CDYL2: variants seen among roughly 807,000 people sequenced by gnomAD.
CDYL2 encodes the protein chromodomain Y like 2, also known as chromodomain Y-like protein 2.
A neutral mutation model predicts 49.4 loss-of-function variants in CDYL2; 23 were observed. That is an observed-to-expected ratio of 0.47 (90% CI 0.34 to 0.66). The LOEUF (loss-of-function observed/expected upper bound fraction) is 0.66. Ranked by LOEUF, CDYL2 falls within the 30% of genes least tolerant of loss-of-function variation. CDYL2 has a pLI of 0.01. For synonymous variants in CDYL2, 360 were observed against 268.8 expected, an observed-to-expected ratio of 1.34 and a Z score of -3.32; for missense variants, 678 against 656.4, an observed-to-expected ratio of 1.03 and a Z score of -0.36.
intron 4 of CDYL2, among the ~76,000 whole-genome samples, chr16:80,617,069 T>G (rs1906864979): frequency 1.3e-5 from 2 of 152,144 alleles, no homozygotes; most frequent in South Asian, 4.1e-4. Flanking sequence ...CTATGACAAG[T>G]TCAGAGGAGG....
At chr16:80,643,211 T>C (rs1439040156) in intron 2 of CDYL2, among the ~76,000 whole-genome samples, 1 of 152,086 alleles carries the variant, frequency 6.6e-6, no homozygotes, top group East Asian at 1.9e-4. Flanking sequence ...GCAGTCAAAT[T>C]TTAAAGCTCC....
In CDYL2 at chr16:80,719,295, T is replaced by C. The variant is rs182800780; in HGVS notation, c.25-34166A>G. On this transcript the variant is annotated intron_variant, in intron 1 of 6. Coordinates refer to ENST00000570137, the MANE Select transcript of CDYL2 (RefSeq NM_152342.4). The stretch of plus-strand genomic sequence containing the variant: ...GGAAGAGGCTGGGAGCAGGAATCTG[T>C]GTGGGCCTTGAGCAAGTCTTCTAAC... Among the ~76,000 whole-genome samples the C allele has an allele frequency of 1.5e-3, 233 of 152,250 alleles. 2 individuals carry two copies. The highest frequency in any genetic ancestry group is 5.3e-3 in the African/African-American group (221 of 41,544).
chr16:80,764,094 T>A (rs1177641765), intron 1 of CDYL2, among the ~76,000 whole-genome samples: 2 of 152,214 alleles, frequency 1.3e-5, no homozygotes. Flanking sequence ...TGATTTAATA[T>A]GTTAAAAGAC....
chr16:80,710,139 G>C (rs568214250), intron 1 of CDYL2, among the ~76,000 whole-genome samples: 1 of 152,186 alleles, frequency 6.6e-6, no homozygotes, highest in South Asian at 2.1e-4. Flanking sequence ...ATGTTGGCCA[G>C]GCTGGTCTCG....
At chr16:80,752,252 C>T (rs1019688183) in intron 1 of CDYL2, among the ~76,000 whole-genome samples, 4 of 151,520 alleles carry the variant, frequency 2.6e-5, no homozygotes, top group Admixed American at 1.3e-4. Context: ...AGGAGAAAAC[C>T]GCAGATAAAT....
At chr16:80,744,696 G>A (rs1905864821) in intron 1 of CDYL2, among the ~76,000 whole-genome samples, 1 of 152,154 alleles carries the variant, frequency 6.6e-6, no homozygotes, top group Non-Finnish European at 1.5e-5. Flanking sequence ...AGGCCATATA[G>A]GGGTCTCCAC....
intron 1 of CDYL2, among the ~76,000 whole-genome samples, chr16:80,740,062 A>G (rs1472633524): frequency 6.6e-6 from 1 of 152,154 alleles, no homozygotes; most frequent in Non-Finnish European, 1.5e-5. Flanking sequence ...GAAATTACAG[A>G]AGACAGAAAA....
In CDYL2 at chr16:80,804,546, C is replaced by T. The variant is rs1446857934; in HGVS notation, c.-373G>A. Among the ~76,000 whole-genome samples the T allele has an allele frequency of 6.9e-6, 1 of 144,344 alleles. No homozygotes were observed. Among genetic ancestry groups the T allele is most frequent in the Non-Finnish European group, 1.5e-5 (1 of 65,092 alleles). The allele number at this position is 144,344 out of a possible 152,430, so 94.7% of individuals were successfully genotyped here. A position where few individuals can be genotyped will look rare whatever the true frequency, so the allele number is the denominator to read the frequency against. On this transcript the variant is annotated 5_prime_UTR_variant, in exon 1 of 7. Transcript: ENST00000570137. ...AGCCGGCAACGGCTCGCCCCGGCGCCGCCTGCAGGAAGCCGCCCGGCGCCC... is the reference window on the plus strand; with the variant it reads ...AGCCGGCAACGGCTCGCCCCGGCGCTGCCTGCAGGAAGCCGCCCGGCGCCC...
chr16:80,617,562 A>G (rs569796854), intron 4 of CDYL2, among the ~76,000 whole-genome samples: 4 of 151,958 alleles, frequency 2.6e-5, no homozygotes, highest in South Asian at 4.2e-4. Context: ...TGTGTCCCCA[A>G]CTCCAGAGTG....
At chr16:80,690,321 G>A (rs1045274674) in intron 1 of CDYL2, among the ~76,000 whole-genome samples, 7 of 151,892 alleles carry the variant, frequency 4.6e-5, no homozygotes, top group Admixed American at 1.3e-4. Context: ...CTGGAGCAGT[G>A]AGGGGCCTTC....
At chr16:80,766,611 C>G (rs1001492940) in intron 1 of CDYL2, among the ~76,000 whole-genome samples, 4 of 152,134 alleles carry the variant, frequency 2.6e-5, no homozygotes, top group African/African-American at 9.7e-5. Context: ...TACTCAACTC[C>G]CTTTACAAAT....
chr16:80,756,854 T>C (rs1003720705), intron 1 of CDYL2, among the ~76,000 whole-genome samples: 3 of 133,762 alleles, frequency 2.2e-5, no homozygotes, highest in South Asian at 2.3e-4. Flanking sequence ...TATCATCGTA[T>C]AAATTAGTAA....
intron 2 of CDYL2, among the ~76,000 whole-genome samples, chr16:80,645,316 T>C (rs1207287799): frequency 1.3e-5 from 2 of 152,078 alleles, no homozygotes; most frequent in Non-Finnish European, 2.9e-5. Context: ...CATCAACAAG[T>C]GGGCGAAGGA....
upstream of CDYL2, among the ~76,000 whole-genome samples, chr16:80,804,767 G>A (rs1908050373): frequency 6.7e-6 from 1 of 150,334 alleles, no homozygotes; most frequent in African/African-American, 2.4e-5. Context: ...CCGGGGGGCG[G>A]CGGGCCAGGT....
At chr16:80,684,094 C>G (rs140702603) in intron 2 of CDYL2, among the ~76,000 whole-genome samples, 92 of 152,304 alleles carry the variant, frequency 6.0e-4, no homozygotes, top group Non-Finnish European at 1.0e-3. Context: ...CCAACCCAGA[C>G]CCTACCTCTC....
chr16:80,782,575 A>T (rs963679462), intron 1 of CDYL2, among the ~76,000 whole-genome samples: 2 of 151,566 alleles, frequency 1.3e-5, no homozygotes, highest in Admixed American at 6.6e-5. Flanking sequence ...ATCCCTGACA[A>T]TATAGATGCA....
chr16:80,612,938 G>A lies in CDYL2; in HGVS notation c.1008-102C>T, dbSNP rs1025690574. 58 of 1,107,050 alleles carry A rather than the reference G, an allele frequency of 5.2e-5. No homozygotes were observed. The highest frequency in any genetic ancestry group is 2.7e-4 in the Middle Eastern group (1 of 3,726). 68.6% of individuals were successfully genotyped at this position (1,107,050 alleles called of 1,614,324 possible). A position where few individuals can be genotyped will look rare whatever the true frequency, so the allele number is the denominator to read the frequency against. ...GTGCTGTGAGGAGCACCCTCAGGTC[G>A]TCAGAGGTTAGAGGTGCCAGGCAAG... is the stretch of plus-strand genomic sequence containing the variant. On this transcript the variant is annotated intron_variant, in intron 4 of 6. Coordinates refer to ENST00000570137, the MANE Select transcript of CDYL2 (RefSeq NM_152342.4). This position sits in a 1 kb window ranked among gnomAD's most constrained non-coding sequence, Gnocchi z 5.0.
chr16:80,794,628 T>TG (rs1459818666), intron 1 of CDYL2, among the ~76,000 whole-genome samples: 23 of 134,788 alleles, frequency 1.7e-4, no homozygotes, highest in African/African-American at 6.2e-4. Flanking sequence ...TTTTTTTTTT[T>TG]GGGACAGAGT....
chr16:80,663,153 C>A (rs942242814), intron 2 of CDYL2, among the ~76,000 whole-genome samples: 2 of 138,556 alleles, frequency 1.4e-5, no homozygotes, highest in Non-Finnish European at 3.3e-5. Context: ...CACTTTCCTT[C>A]CAGTCCATTC....
Sources: allele counts gnomAD v4.1 joint callset (sites outside exome capture counted in the v4.1 genomes callset), GRCh38; gene constraint gnomAD v4.1.1; non-coding constraint Gnocchi (gnomAD v3.1); transcripts MANE v1.5; gene names NCBI Gene and HGNC (gene_info 2026-07-23, HGNC 2026-07-21).